MSRA: variants seen among roughly 807,000 people sequenced by gnomAD.
MSRA encodes the protein mitochondrial peptide methionine sulfoxide reductase.
Under a neutral mutation model 31.3 loss-of-function variants are expected in MSRA, and 54 were observed. That is an observed-to-expected ratio of 1.73 (90% CI 1.39 to 2.17). The LOEUF (loss-of-function observed/expected upper bound fraction) is 2.17, where lower values mean the gene tolerates loss of function less well. Ranked by LOEUF, MSRA falls within the 30% of genes most tolerant of loss-of-function variation. MSRA has a pLI of 0.00. For missense variants in MSRA, 507 were observed against 300.9 expected (o/e 1.69, Z -5.07); for synonymous variants, 169 against 116.5 (o/e 1.45, Z -2.90).
chr8:10,390,019 T>G (rs34155841), intron 5 of MSRA, among the ~76,000 whole-genome samples: 44,911 of 152,034 alleles, frequency 0.3, 7,348 homozygotes, highest in Non-Finnish European at 0.37. Context: ...ACTCTGCTTC[T>G]GCCTCACCCG....
At chr8:10,110,502 C>T (rs1800201516) in intron 1 of MSRA, among the ~76,000 whole-genome samples, 1 of 152,176 alleles carries the variant, frequency 6.6e-6, no homozygotes, top group Non-Finnish European at 1.5e-5. Flanking sequence ...CAAACAAGAC[C>T]ACCGCTTCCT....
intron 1 of MSRA, among the ~76,000 whole-genome samples, chr8:10,186,277 A>G (rs1246829446): frequency 2.6e-5 from 4 of 152,194 alleles, no homozygotes; most frequent in African/African-American, 9.6e-5. Context: ...ATAAAGGGCC[A>G]GATGGTAAAT....
chr8:10,158,070 A>G (rs1222541464), intron 1 of MSRA, among the ~76,000 whole-genome samples: 1 of 152,198 alleles, frequency 6.6e-6, no homozygotes, highest in Non-Finnish European at 1.5e-5. Flanking sequence ...TTCCTGCTTC[A>G]TAGATGGCAC....
intron 1 of MSRA, among the ~76,000 whole-genome samples, chr8:10,129,606 G>C (rs1801751793): frequency 2.6e-5 from 4 of 152,080 alleles, no homozygotes; most frequent in Admixed American, 2.6e-4. Context: ...TGCAGGCTTA[G>C]AGCACAGCAT....
At chr8:10,105,834 C>A (rs946481396) in intron 1 of MSRA, among the ~76,000 whole-genome samples, 1 of 152,036 alleles carries the variant, frequency 6.6e-6, no homozygotes, top group East Asian at 1.9e-4. Context: ...CATGCTGTCC[C>A]GTCTAAACAA....
intron 5 of MSRA, among the ~76,000 whole-genome samples, chr8:10,392,606 C>G (rs1006601292): frequency 3.3e-5 from 5 of 151,994 alleles, no homozygotes; most frequent in East Asian, 1.9e-4. Context: ...TAAACCGAAT[C>G]TGGTGGTAAG....
At chr8:10,274,841 A>G (rs893014174) in intron 3 of MSRA, among the ~76,000 whole-genome samples, 3 of 152,042 alleles carry the variant, frequency 2.0e-5, no homozygotes, top group African/African-American at 7.2e-5. Flanking sequence ...TCACCTGTTC[A>G]ACCAAGCAAC....
At chr8:10,418,959 AAAAAC>A (rs1212174346) in intron 5 of MSRA, among the ~76,000 whole-genome samples, 10 of 151,860 alleles carry the variant, frequency 6.6e-5, no homozygotes, top group Non-Finnish European at 1.3e-4. Flanking sequence ...CCCTGTCTCC[AAAAAC>A]AAAACAAAAC....
At chr8:10,127,371 G>C (rs1049649919) in intron 1 of MSRA, among the ~76,000 whole-genome samples, 1 of 152,148 alleles carries the variant, frequency 6.6e-6, no homozygotes, top group Non-Finnish European at 1.5e-5. Context: ...ACAGTGTGTG[G>C]CTTGTTTTGT....
intron 5 of MSRA, among the ~76,000 whole-genome samples, chr8:10,363,410 C>T (rs1193932712): frequency 3.3e-5 from 5 of 152,144 alleles, no homozygotes; most frequent in East Asian, 1.9e-4. Flanking sequence ...GGGGACCTCC[C>T]GTCCAAATTT....
chr8:10,257,023 T>C (rs919547163), intron 3 of MSRA, among the ~76,000 whole-genome samples: 13 of 152,214 alleles, frequency 8.5e-5, no homozygotes, highest in African/African-American at 2.9e-4. Context: ...AAAAATATAT[T>C]GTACCCAGCA....
chr8:10,113,966 T>G (rs1800488270), intron 1 of MSRA, among the ~76,000 whole-genome samples: 1 of 152,140 alleles, frequency 6.6e-6, no homozygotes, highest in African/African-American at 2.4e-5. Context: ...CACTCCTCAT[T>G]CTCCTCTTCC....
intron 1 of MSRA, among the ~76,000 whole-genome samples, chr8:10,087,782 TTAAAG>T (rs750900309): frequency 6.6e-6 from 1 of 152,236 alleles, no homozygotes; most frequent in African/African-American, 2.4e-5. Flanking sequence ...TAAGATTGGC[TTAAAG>T]TAAAGGATTT....
At chr8:10,128,175 C>T (rs538391952) in intron 1 of MSRA, among the ~76,000 whole-genome samples, 6 of 152,134 alleles carry the variant, frequency 3.9e-5, no homozygotes, top group South Asian at 2.1e-4. Flanking sequence ...ATCAGGAGTT[C>T]GAGACCAGCC....
intron 2 of MSRA, among the ~76,000 whole-genome samples, chr8:10,226,005 C>A (rs4265190): frequency 0.21 from 31,831 of 152,212 alleles, 4,251 homozygotes; most frequent in Admixed American, 0.36. Flanking sequence ...ATTCACTGCA[C>A]AGTAACTTGG....
At chr8:10,377,431 A>G (rs1161440992) in intron 5 of MSRA, among the ~76,000 whole-genome samples, 1 of 152,252 alleles carries the variant, frequency 6.6e-6, no homozygotes, top group African/African-American at 2.4e-5. Flanking sequence ...AAAGTGTATT[A>G]CATAGTAATT....
intron 5 of MSRA, among the ~76,000 whole-genome samples, chr8:10,388,279 G>A (rs915300443): frequency 6.6e-6 from 1 of 152,208 alleles, no homozygotes; most frequent in Non-Finnish European, 1.5e-5. Flanking sequence ...TCGTGTTGCA[G>A]ACTTGAGGCT....
chr8:10,080,023 C>T (rs1273245419), intron 1 of MSRA, among the ~76,000 whole-genome samples: 1 of 152,206 alleles, frequency 6.6e-6, no homozygotes, highest in African/African-American at 2.4e-5. Flanking sequence ...AATTAATCTC[C>T]TTTCCTCAGA....
chr8:10,289,071 A>G (rs1315196597), intron 3 of MSRA, among the ~76,000 whole-genome samples: 7 of 151,628 alleles, frequency 4.6e-5, no homozygotes, highest in Non-Finnish European at 1.0e-4. Flanking sequence ...GCTGGAGTGC[A>G]GTGGCATGAT....
Sources: gnomAD v4.1 joint callset for allele counts (sites outside exome capture counted in the v4.1 genomes callset) on GRCh38, gnomAD v4.1.1 for gene constraint, MANE v1.5 for transcripts, NCBI Gene and HGNC (gene_info 2026-07-23, HGNC 2026-07-21) for gene names.